Variants in PTGER3 observed in about 807,000 individuals in gnomAD.
The protein encoded by PTGER3 is prostaglandin E2 receptor EP3 subtype.
A neutral mutation model predicts 34.7 loss-of-function variants in PTGER3; 22 were observed. The ratio of observed to expected loss-of-function variants is 0.63; its 90% CI spans 0.45 to 0.91. The LOEUF is 0.91. Ranked by LOEUF, PTGER3 falls within the 40% of genes least tolerant of loss-of-function variation. The pLI, the probability that PTGER3 is intolerant of heterozygous loss-of-function variation, is 0.00. For missense variants in PTGER3, 468 were observed against 519.4 expected, an observed-to-expected ratio of 0.90 and a Z score of 0.96; for synonymous variants, 241 against 230.1, an observed-to-expected ratio of 1.05 and a Z score of -0.43.
intron 2 of PTGER3, among the ~76,000 whole-genome samples, chr1:70,990,376 CACACACACACATAT>C (rs1018507319): frequency 9.3e-6 from 1 of 107,362 alleles, no homozygotes; most frequent in East Asian, 2.5e-4. Context: ...CACACACACA[CACACACACACATAT>C]ATATATATAT....
At chr1:71,040,769 A>G (rs1161144187) in intron 1 of PTGER3, among the ~76,000 whole-genome samples, 3 of 152,218 alleles carry the variant, frequency 2.0e-5, no homozygotes, top group Non-Finnish European at 2.9e-5. Context: ...AATGTCTCCA[A>G]TGAAGTGTGA....
At chr1:70,884,482 G>C (rs1476678235) in intron 4 of PTGER3, among the ~76,000 whole-genome samples, 1 of 152,196 alleles carries the variant, frequency 6.6e-6, no homozygotes, top group Non-Finnish European at 1.5e-5. Context: ...CCTTAAAAGA[G>C]ATAAGCAGGA....
chr1:70,909,996 T>G (rs1647029062), intron 4 of PTGER3, among the ~76,000 whole-genome samples: 1 of 152,192 alleles, frequency 6.6e-6, no homozygotes, highest in Non-Finnish European at 1.5e-5. Flanking sequence ...TAAGGATCAA[T>G]TGAGATAATT....
chr1:71,011,389 A>C, intron 2 of PTGER3: 1 of 985,290 alleles, frequency 1.0e-6, no homozygotes, highest in Non-Finnish European at 1.2e-6. Context: ...ACTTTTGGTG[A>C]ATAATCAAGG....
chr1:70,966,088 C>T (rs2100652268), downstream of PTGER3, among the ~76,000 whole-genome samples: 1 of 152,230 alleles, frequency 6.6e-6, no homozygotes, highest in South Asian at 2.1e-4. Flanking sequence ...GTACTTATTT[C>T]TGTAAAGAGA....
At chr1:70,878,609 G>A (rs1646321852) in intron 4 of PTGER3, among the ~76,000 whole-genome samples, 1 of 152,016 alleles carries the variant, frequency 6.6e-6, no homozygotes, top group African/African-American at 2.4e-5. Context: ...AGCGTTTAAT[G>A]CCATAAACTT....
chr1:70,912,404 G>C (rs1318902417), intron 4 of PTGER3, among the ~76,000 whole-genome samples: 1 of 151,942 alleles, frequency 6.6e-6, no homozygotes, highest in Non-Finnish European at 1.5e-5. Context: ...TATTTGTTAT[G>C]GCTCAGTTCA....
At chr1:70,940,516 T>G (rs1557671146) in intron 4 of PTGER3, among the ~76,000 whole-genome samples, 1 of 151,786 alleles carries the variant, frequency 6.6e-6, no homozygotes, top group East Asian at 1.9e-4. Context: ...GAAAAAGAGG[T>G]TTAATTTGAC....
intron 2 of PTGER3, chr1:71,011,257 G>A: frequency 1.0e-6 from 1 of 985,260 alleles, no homozygotes; most frequent in Non-Finnish European, 1.2e-6. Flanking sequence ...GCTGTGAAGG[G>A]TCAATGTTAT....
chr1:70,918,211 C>CTAG (rs1647241094), intron 4 of PTGER3, among the ~76,000 whole-genome samples: 1 of 152,008 alleles, frequency 6.6e-6, no homozygotes. Flanking sequence ...AACAATGAAA[C>CTAG]TAGACCTCTA....
chr1:71,010,897 C>A, intron 2 of PTGER3: 1 of 985,148 alleles, frequency 1.0e-6, no homozygotes, highest in Non-Finnish European at 1.2e-6. Context: ...TAAACACACA[C>A]AGAAATATGC....
intron 4 of PTGER3, among the ~76,000 whole-genome samples, chr1:70,921,116 C>A (rs1647477497): frequency 6.6e-6 from 1 of 151,920 alleles, no homozygotes; most frequent in Non-Finnish European, 1.5e-5. Context: ...TAAAAAAGAG[C>A]AACTTTGCTA....
At chr1:70,937,259 G>A (rs1649311341) in intron 4 of PTGER3, among the ~76,000 whole-genome samples, 2 of 152,226 alleles carry the variant, frequency 1.3e-5, no homozygotes, top group Non-Finnish European at 2.9e-5. Flanking sequence ...GCTGTAAGCT[G>A]ATGTGGTTTT....
chr1:70,952,536 C>T (rs1375326023), exon 4 of PTGER3: 4 of 990,986 alleles, frequency 4.0e-6, no homozygotes, highest in Non-Finnish European at 4.8e-6. Context: ...ATTCTACAAA[C>T]ACCCTTTACA....
rs1375873243 is a variant in PTGER3 at position 71,011,110 on chromosome 1, CA to C, written c.1077+1194del. On this transcript the variant is annotated intron_variant, in intron 2 of 3. Coordinates refer to ENST00000306666, the MANE Select transcript of PTGER3 (RefSeq NM_198719.2). ...AGACATTTTTAAGAAGTGCAATTCC[CA>C]AAACTTAATGTAGTGATCTACTTGT... 11 of 985,508 alleles carry C rather than the reference CA, an allele frequency of 1.1e-5. No individual in the cohort carries two copies. In the Admixed American group the frequency reaches 6.8e-4, roughly 61 times the overall value. 61.0% of individuals were successfully genotyped at this position (985,508 alleles called of 1,614,324 possible).
chr1:71,012,920 AGG>A (rs1657570489), intron 1 of PTGER3, among the ~76,000 whole-genome samples: 2 of 53,186 alleles, frequency 3.8e-5, no homozygotes, highest in African/African-American at 1.9e-4. Context: ...GCAAGAAAGG[AGG>A]AAATATTATT....
intron 2 of PTGER3, among the ~76,000 whole-genome samples, chr1:70,993,674 T>G (rs1428363029): frequency 6.6e-6 from 1 of 152,188 alleles, no homozygotes; most frequent in East Asian, 1.9e-4. Flanking sequence ...TGAGATGTGT[T>G]ACTTGCATTC....
chr1:70,977,690 C>T (rs1271656490), intron 2 of PTGER3, among the ~76,000 whole-genome samples: 2 of 152,032 alleles, frequency 1.3e-5, no homozygotes, highest in Admixed American at 1.3e-4. Context: ...ATAGCTATCC[C>T]CTCCCTCTTC....
At chr1:70,972,060 G>A (rs1028966598) in intron 3 of PTGER3, among the ~76,000 whole-genome samples, 4 of 152,150 alleles carry the variant, frequency 2.6e-5, no homozygotes, top group African/African-American at 9.7e-5. Flanking sequence ...AGACGCGGTG[G>A]TTCATGCCTG....
Sources: allele counts gnomAD v4.1 joint callset (sites outside exome capture counted in the v4.1 genomes callset), GRCh38; gene constraint gnomAD v4.1.1; transcripts MANE v1.5; gene names NCBI Gene and HGNC (gene_info 2026-07-23, HGNC 2026-07-21).